JARID2: variants seen among roughly 807,000 people sequenced by gnomAD.
The protein encoded by JARID2 is protein Jumonji.
A neutral mutation model predicts 125.6 loss-of-function variants in JARID2; 21 were observed. That is an observed-to-expected ratio of 0.17 (90% CI 0.12 to 0.24). The LOEUF (loss-of-function observed/expected upper bound fraction) is 0.24. Among genes scored for constraint, JARID2 ranks in the 10% least tolerant of loss-of-function variants. The probability of loss-of-function intolerance (pLI) is 1.00; values close to 1 mark genes in which losing one functional copy is unlikely to be tolerated. For missense variants in JARID2, 1,303 were observed against 1,639.6 expected (o/e 0.79, Z 3.55); for synonymous variants, 736 against 661.6 (o/e 1.11, Z -1.73).
At chr6:15,267,792 T>G (rs980769161) in intron 1 of JARID2, among the ~76,000 whole-genome samples, 11 of 152,098 alleles carry the variant, frequency 7.2e-5, no homozygotes, top group Non-Finnish European at 1.5e-4. Flanking sequence ...TGCATGCTGA[T>G]CCCCAGAGGG....
chr6:15,281,637 G>C (rs1217502759), intron 1 of JARID2, among the ~76,000 whole-genome samples: 1 of 152,220 alleles, frequency 6.6e-6, no homozygotes, highest in Admixed American at 6.5e-5. Flanking sequence ...GTTATGGCCT[G>C]TGATTTAGCT....
intron 5 of JARID2, among the ~76,000 whole-genome samples, chr6:15,469,519 A>G (rs1768966697): frequency 3.4e-5 from 5 of 147,664 alleles, no homozygotes. Context: ...TGCCAGCTCT[A>G]CCTCCCGGGT....
intron 1 of JARID2, among the ~76,000 whole-genome samples, chr6:15,356,410 C>G (rs10949295): frequency 0.032 from 4,849 of 152,236 alleles, 129 homozygotes; most frequent in South Asian, 0.12. Flanking sequence ...TCACCAACGT[C>G]TGCTGTTTTT....
intron 1 of JARID2, among the ~76,000 whole-genome samples, chr6:15,288,560 A>G (rs892393523): frequency 6.6e-6 from 1 of 152,250 alleles, no homozygotes; most frequent in African/African-American, 2.4e-5. Flanking sequence ...GCAGTGGAAT[A>G]TAAGATCCAC....
At chr6:15,329,461 G>C (rs1041121852) in intron 1 of JARID2, among the ~76,000 whole-genome samples, 3 of 152,180 alleles carry the variant, frequency 2.0e-5, no homozygotes, top group Admixed American at 6.5e-5. Flanking sequence ...CAATTTTGCT[G>C]TTTGACTCAG....
At chr6:15,368,822 C>T (rs540013343) in intron 1 of JARID2, 13 of 444,792 alleles carry the variant, frequency 2.9e-5, no homozygotes, top group African/African-American at 2.4e-4. Flanking sequence ...TTCATCTTTT[C>T]TTTCTGATGT....
In JARID2 at chr6:15,252,700, T is replaced by C. The variant is rs374721060; in HGVS notation, c.45+6116T>C. ...CCATTTTAAATCCTTAAGCCTTACCTGTTAATAAAAATGAAACCAAATGAA... is the reference window on the plus strand; with the variant it reads ...CCATTTTAAATCCTTAAGCCTTACCCGTTAATAAAAATGAAACCAAATGAA... On this transcript the variant is annotated intron_variant, in intron 1 of 17. Coordinates refer to ENST00000341776, the MANE Select transcript of JARID2 (RefSeq NM_004973.4). 3.9e-5 allele frequency among the ~76,000 whole-genome samples: 6 copies of C among 152,350 alleles called. No individual in the cohort carries two copies. In the South Asian group the frequency reaches 6.2e-4, roughly 16 times the overall value.
chr6:15,370,824 T>A (rs1764140800), intron 1 of JARID2, among the ~76,000 whole-genome samples: 2 of 152,178 alleles, frequency 1.3e-5, no homozygotes, highest in South Asian at 4.1e-4. Context: ...TAGAGGATTA[T>A]AAGGTAAGGA....
intron 2 of JARID2, among the ~76,000 whole-genome samples, chr6:15,401,300 C>T (rs1470645891): frequency 2.6e-5 from 4 of 152,130 alleles, no homozygotes; most frequent in Non-Finnish European, 1.5e-5. Flanking sequence ...GAATTAATGT[C>T]GCTCTTAAAG....
At chr6:15,394,204 A>G (rs1458395774) in intron 2 of JARID2, among the ~76,000 whole-genome samples, 1 of 152,088 alleles carries the variant, frequency 6.6e-6, no homozygotes, top group African/African-American at 2.4e-5. Flanking sequence ...GGTGCTTTGT[A>G]TGTAGGGTGG....
intron 2 of JARID2, among the ~76,000 whole-genome samples, chr6:15,390,180 G>A (rs1444059756): frequency 6.6e-6 from 1 of 152,126 alleles, no homozygotes; most frequent in Non-Finnish European, 1.5e-5. Context: ...GTTGTCATCT[G>A]TCCACTTGCA....
intron 4 of JARID2, among the ~76,000 whole-genome samples, chr6:15,461,610 T>C (rs1371405647): frequency 2.0e-5 from 3 of 152,234 alleles, no homozygotes. Flanking sequence ...ACCAATCTAG[T>C]TACTTTCCTA....
intron 3 of JARID2, among the ~76,000 whole-genome samples, chr6:15,438,991 C>G (rs1767333751): frequency 6.6e-6 from 1 of 150,508 alleles, no homozygotes; most frequent in East Asian, 2.0e-4. Flanking sequence ...GAGATCACGC[C>G]ACTGCACTCC....
At chr6:15,307,738 C>T (rs1761884595) in intron 1 of JARID2, among the ~76,000 whole-genome samples, 1 of 152,116 alleles carries the variant, frequency 6.6e-6, no homozygotes, top group South Asian at 2.1e-4. Context: ...TAGGTTCTCC[C>T]TTTACTTATG....
chr6:15,399,132 G>A (rs949182316), intron 2 of JARID2, among the ~76,000 whole-genome samples: 3 of 152,184 alleles, frequency 2.0e-5, no homozygotes, highest in African/African-American at 7.2e-5. Flanking sequence ...CTGTTAACAG[G>A]AACGTGCTGC....
chr6:15,451,432 A>G (rs757186817), intron 3 of JARID2, among the ~76,000 whole-genome samples: 1 of 152,178 alleles, frequency 6.6e-6, no homozygotes, highest in Non-Finnish European at 1.5e-5. Context: ...GACTAGAGAC[A>G]TACCTTTTTT....
chr6:15,400,268 C>T (rs1375157062), intron 2 of JARID2, among the ~76,000 whole-genome samples: 1 of 151,842 alleles, frequency 6.6e-6, no homozygotes, highest in Non-Finnish European at 1.5e-5. Flanking sequence ...TAATGAGGCT[C>T]CGTGGAAGCT....
intron 3 of JARID2, among the ~76,000 whole-genome samples, chr6:15,412,358 G>T (rs1445563389): frequency 4.6e-5 from 7 of 152,150 alleles, no homozygotes; most frequent in Non-Finnish European, 8.8e-5. Flanking sequence ...ACCCGGGCTG[G>T]AGTGTGGTGG....
chr6:15,398,000 T>C (rs181207813), intron 2 of JARID2, among the ~76,000 whole-genome samples: 76 of 152,314 alleles, frequency 5.0e-4, no homozygotes, highest in Admixed American at 1.4e-3. Context: ...GCAAGCGATA[T>C]AATAAGCAAG....
Sources: gnomAD v4.1 joint callset for allele counts (sites outside exome capture counted in the v4.1 genomes callset) on GRCh38, gnomAD v4.1.1 for gene constraint, MANE v1.5 for transcripts, NCBI Gene and HGNC (gene_info 2026-07-23, HGNC 2026-07-21) for gene names.